The following ATP2B2 variants were observed in gnomAD, a reference collection of about 807,000 sequenced individuals.
ATP2B2 encodes the protein plasma membrane calcium-transporting ATPase 2.
Under a neutral mutation model 120.0 loss-of-function variants are expected in ATP2B2, and 15 were observed. The observed-to-expected ratio is 0.12, with a 90% CI of 0.08 to 0.19. The LOEUF (loss-of-function observed/expected upper bound fraction) is 0.19, where lower values mean the gene tolerates loss of function less well. Ranked by LOEUF, ATP2B2 falls within the 10% of genes least tolerant of loss-of-function variation. The pLI, the probability that ATP2B2 is intolerant of heterozygous loss-of-function variation, is 1.00. For missense variants in ATP2B2, 1,045 were observed against 1,719.8 expected, an observed-to-expected ratio of 0.61 and a Z score of 6.94; for synonymous variants, 694 against 700.3, an observed-to-expected ratio of 0.99 and a Z score of 0.14.
intron 1 of ATP2B2, among the ~76,000 whole-genome samples, chr3:10,457,776 A>G (rs2064324746): frequency 6.6e-6 from 1 of 151,440 alleles, no homozygotes; most frequent in Non-Finnish European, 1.5e-5. Context: ...TTTTTAGACA[A>G]CTCCTATTCT....
chr3:10,437,094 T>C (rs141199895), intron 2 of ATP2B2, among the ~76,000 whole-genome samples: 84 of 152,286 alleles, frequency 5.5e-4, no homozygotes, highest in African/African-American at 1.9e-3. Flanking sequence ...TGTCTTCTTT[T>C]CCCCTTTAGT....
chr3:10,328,479 A>C lies in ATP2B2; in HGVS notation c.*335T>G. The C allele has an allele frequency of 6.4e-6, 2 of 314,484 alleles. No homozygotes were observed. The highest frequency in any genetic ancestry group is 7.0e-5 in the East Asian group (1 of 14,284). 19.5% of individuals were successfully genotyped at this position (314,484 alleles called of 1,614,324 possible). ...AACAAGGGGAGGATTGAAAGTGTAC[A>C]GTACATTCATGCGGGGGACGTGGTG... On this transcript the variant is annotated 3_prime_UTR_variant, in exon 23 of 23. Transcript: ENST00000360273.
At chr3:10,629,895 C>T (rs75656414) in intron 1 of ATP2B2, among the ~76,000 whole-genome samples, 4 of 152,166 alleles carry the variant, frequency 2.6e-5, no homozygotes, top group Admixed American at 6.5e-5. Context: ...CGATGCTGTG[C>T]GTGTGGAAGG....
At chr3:10,422,974 G>T (rs2063035533) in intron 2 of ATP2B2, among the ~76,000 whole-genome samples, 1 of 152,210 alleles carries the variant, frequency 6.6e-6, no homozygotes, top group African/African-American at 2.4e-5. Flanking sequence ...GGAAGTGGGT[G>T]TGGGGGCTGG....
rs550632942 is a variant in ATP2B2, at chr3:10,343,654, C to T, written c.2704-689G>A. ...GTCCCCATCCTTCCTCACACCCCCA[C>T]GTATCTTGTCCACAGCAGCCAGACT... On this transcript the variant is annotated intron_variant, in intron 18 of 22. Coordinates refer to ENST00000360273, the MANE Select transcript of ATP2B2 (RefSeq NM_001001331.4). This position sits in a 1 kb window ranked among gnomAD's most constrained non-coding sequence, Gnocchi z 4.2. Among the ~76,000 whole-genome samples, 10 of 152,150 alleles carry T rather than the reference C, an allele frequency of 6.6e-5. No individual in the cohort carries two copies. Among genetic ancestry groups the T allele is most frequent in the African/African-American group, 2.2e-4 (9 of 41,490 alleles).
At position 10,343,317 on chromosome 3, in the gene ATP2B2, C is replaced by T. The variant is rs555922678; in HGVS notation, c.2704-352G>A. Among the ~76,000 whole-genome samples the T allele has an allele frequency of 4.6e-5, 7 of 152,180 alleles. No individual in the cohort carries two copies. The highest frequency in any genetic ancestry group is 2.1e-4 in the South Asian group (1 of 4,820). The stretch of plus-strand genomic sequence containing the variant: ...TGGCTGAGGCCAAGACCATTCCCAC[C>T]GCCTCCGGCATGGGCTCCTACCTCC... On this transcript the variant is annotated intron_variant, in intron 18 of 22. Coordinates refer to ENST00000360273, the MANE Select transcript of ATP2B2 (RefSeq NM_001001331.4). This position sits in a 1 kb window ranked among gnomAD's most constrained non-coding sequence, Gnocchi z 4.2.
At chr3:10,473,287 C>T (rs1320213419) in intron 1 of ATP2B2, among the ~76,000 whole-genome samples, 2 of 152,248 alleles carry the variant, frequency 1.3e-5, no homozygotes, top group African/African-American at 4.8e-5. Context: ...GCCAAGCATA[C>T]TGTACTTGCC....
rs752162521 is a variant in ATP2B2 at position 10,345,591 on chromosome 3, CA to C, written c.2512-17del. On this transcript the variant is annotated splice_polypyrimidine_tract_variant and intron_variant, in intron 17 of 22. Transcript: ENST00000360273. Reference sequence around the variant, plus strand: ...CTGCGATGCCCTGTGGGGACAGGGACAGGAGGCTGGGTGGGGTGGCCGGGGG... The same window carrying C: ...CTGCGATGCCCTGTGGGGACAGGGACGGAGGCTGGGTGGGGTGGCCGGGGG... The C allele has an allele frequency of 5.8e-5, 94 of 1,612,436 alleles. No homozygotes were observed. The East Asian group carries it at 2.0e-3, about 34-fold the overall frequency.
chr3:10,429,443 T>C (rs2063243370), intron 2 of ATP2B2, among the ~76,000 whole-genome samples: 1 of 152,248 alleles, frequency 6.6e-6, no homozygotes, highest in Non-Finnish European at 1.5e-5. Flanking sequence ...AACTTTTTCA[T>C]GATGATTAAA....
chr3:10,425,542 C>T (rs2125080525), intron 2 of ATP2B2, among the ~76,000 whole-genome samples: 1 of 152,212 alleles, frequency 6.6e-6, no homozygotes, highest in South Asian at 2.1e-4. Flanking sequence ...GTTCCTAACC[C>T]ACGGCCTGGC....
intron 2 of ATP2B2, 139 bp downstream of exon 2, chr3:10,449,206 G>A: frequency 1.0e-6 from 1 of 968,834 alleles, no homozygotes; most frequent in East Asian, 2.6e-5. Context: ...CAGCTAGAAT[G>A]CACTACAATG....
chr3:10,601,507 A>G (rs2068920217), intron 2 of ATP2B2, among the ~76,000 whole-genome samples: 1 of 152,196 alleles, frequency 6.6e-6, no homozygotes, highest in African/African-American at 2.4e-5. Context: ...TACCTCATTT[A>G]TAAATGGAGG....
chr3:10,467,878 A>G (rs1237514046), intron 1 of ATP2B2, among the ~76,000 whole-genome samples: 1 of 152,136 alleles, frequency 6.6e-6, no homozygotes, highest in African/African-American at 2.4e-5. Flanking sequence ...CCCAGGCAGT[A>G]TCTCAATAAT....
At chr3:10,518,793 C>T (rs139194426) in intron 3 of ATP2B2, among the ~76,000 whole-genome samples, 27 of 152,332 alleles carry the variant, frequency 1.8e-4, no homozygotes, top group African/African-American at 3.1e-4. Flanking sequence ...CCGCTTTCAC[C>T]GGCAGGTGCT....
intron 1 of ATP2B2, among the ~76,000 whole-genome samples, chr3:10,648,452 C>A (rs1222426039): frequency 6.6e-6 from 1 of 152,214 alleles, no homozygotes; most frequent in African/African-American, 2.4e-5. Context: ...TCCCGCTGTT[C>A]CCTGACTCTG....
intron 1 of ATP2B2, among the ~76,000 whole-genome samples, chr3:10,484,490 T>A (rs1291234345): frequency 6.6e-6 from 1 of 152,078 alleles, no homozygotes; most frequent in African/African-American, 2.4e-5. Context: ...CTCTGTGGCA[T>A]TTTGAGCTCT....
chr3:10,525,236 C>T (rs150729868), intron 3 of ATP2B2, among the ~76,000 whole-genome samples: 2,496 of 152,330 alleles, frequency 0.016, 36 homozygotes, highest in Admixed American at 0.036. Flanking sequence ...CCTAACTCCA[C>T]CCTTGGCAGC....
chr3:10,480,770 A>ACC (rs903995614), intron 1 of ATP2B2, among the ~76,000 whole-genome samples: 3 of 152,034 alleles, frequency 2.0e-5, no homozygotes, highest in Admixed American at 2.0e-4. Context: ...GCCCTTGAGG[A>ACC]CCCCTCCCCA....
chr3:10,422,609 C>A (rs569289988), intron 2 of ATP2B2, among the ~76,000 whole-genome samples: 1 of 152,342 alleles, frequency 6.6e-6, no homozygotes, highest in African/African-American at 2.4e-5. Flanking sequence ...GTTATGTGCT[C>A]ATAGCAGACC....
Sources: allele counts gnomAD v4.1 joint callset (sites outside exome capture counted in the v4.1 genomes callset), GRCh38; gene constraint gnomAD v4.1.1; non-coding constraint Gnocchi (gnomAD v3.1); transcripts MANE v1.5; gene names NCBI Gene and HGNC (gene_info 2026-07-23, HGNC 2026-07-21).